Variants in DPYD observed in about 807,000 individuals in gnomAD.
DPYD encodes dihydropyrimidine dehydrogenase, also known as dihydropyrimidine dehydrogenase [NADP(+)].
DPYD carries 109 observed loss-of-function variants against 116.2 expected under a neutral mutation model. That is an observed-to-expected ratio of 0.94 (90% CI 0.80 to 1.10). DPYD has a LOEUF of 1.10. Ranked by LOEUF, DPYD falls within the 50% of genes least tolerant of loss-of-function variation. DPYD has a pLI of 0.00. For synonymous variants in DPYD, 440 were observed against 432.0 expected, an observed-to-expected ratio of 1.02 and a Z score of -0.23; for missense variants, 1,302 against 1,254.5, an observed-to-expected ratio of 1.04 and a Z score of -0.57.
chr1:97,215,887 C>T (rs902764964), intron 19 of DPYD, among the ~76,000 whole-genome samples: 1 of 152,150 alleles, frequency 6.6e-6, no homozygotes, highest in Non-Finnish European at 1.5e-5. Flanking sequence ...TGACTACAGA[C>T]TCTCTTTCAA....
chr1:97,679,127 T>C lies in DPYD; in HGVS notation c.818A>G (p.Glu273Gly), dbSNP rs1231354593. The change falls in exon 8 of 23, where the codon GAA becomes GGA. Residue 273 changes from glutamate to glycine, a missense_variant. Glu to Gly is a moderately conservative substitution (Grantham distance 98). Coordinates refer to ENST00000370192, the MANE Select transcript of DPYD (RefSeq NM_000110.4). ...VNEMTLSTLK[E>G]KGYKAAFIGI... ...AATGAAAGCAGCTTTGTAGCCTTTT[T>C]CTTTCAAAGTGCTAAGAGTCATTTC... is the stretch of plus-strand genomic sequence containing the variant. 6.3e-7 allele frequency: 1 copy of C among 1,586,672 alleles called. No homozygotes were observed. Among genetic ancestry groups the C allele is most frequent in the South Asian group, 1.2e-5 (1 of 86,516 alleles).
intron 8 of DPYD, among the ~76,000 whole-genome samples, chr1:97,652,082 C>A (rs1393449650): frequency 6.6e-6 from 1 of 151,796 alleles, no homozygotes; most frequent in African/African-American, 2.4e-5. Flanking sequence ...TACAAGAAAT[C>A]AAGATGATCT....
chr1:97,761,585 AT>A (rs1445637382), intron 3 of DPYD, among the ~76,000 whole-genome samples: 30 of 152,264 alleles, frequency 2.0e-4, no homozygotes, highest in Admixed American at 1.9e-3. Context: ...GGGAGTGTAA[AT>A]TGTTCCAATC....
chr1:97,128,510 C>G (rs1653024287), intron 20 of DPYD, among the ~76,000 whole-genome samples: 1 of 152,126 alleles, frequency 6.6e-6, no homozygotes, highest in South Asian at 2.1e-4. Context: ...TTTAGTATAC[C>G]CTTATAATAC....
chr1:97,259,924 T>C (rs1663768821), intron 18 of DPYD, among the ~76,000 whole-genome samples: 1 of 152,138 alleles, frequency 6.6e-6, no homozygotes, highest in Admixed American at 6.6e-5. Context: ...CCACTGTCAT[T>C]CTTGGCAGAT....
At chr1:97,360,556 A>G (rs1670667765) in intron 16 of DPYD, among the ~76,000 whole-genome samples, 1 of 152,222 alleles carries the variant, frequency 6.6e-6, no homozygotes, top group East Asian at 1.9e-4. Flanking sequence ...AGTTGGAAGT[A>G]AAGCACTCCT....
chr1:97,158,227 C>G (rs974654498), intron 20 of DPYD, among the ~76,000 whole-genome samples: 1 of 151,952 alleles, frequency 6.6e-6, no homozygotes, highest in Non-Finnish European at 1.5e-5. Flanking sequence ...TGCTCACAAC[C>G]AGTGAATTCA....
At chr1:97,399,491 A>T (rs1235440823) in intron 14 of DPYD, among the ~76,000 whole-genome samples, 4 of 152,112 alleles carry the variant, frequency 2.6e-5, no homozygotes, top group Non-Finnish European at 5.9e-5. Flanking sequence ...GAAGAAAGTC[A>T]TTGGTAGCTT....
chr1:97,690,913 C>G (rs908740011), intron 7 of DPYD, among the ~76,000 whole-genome samples: 1 of 151,950 alleles, frequency 6.6e-6, no homozygotes, highest in East Asian at 1.9e-4. Context: ...TTTATTGATT[C>G]ATTTTAAGTT....
At chr1:97,748,029 T>C (rs1222897273) in intron 3 of DPYD, among the ~76,000 whole-genome samples, 1 of 152,210 alleles carries the variant, frequency 6.6e-6, no homozygotes, top group African/African-American at 2.4e-5. Flanking sequence ...TCTTCTTTAA[T>C]GTGGAAGGAA....
intron 16 of DPYD, among the ~76,000 whole-genome samples, chr1:97,353,067 T>C (rs1166702600): frequency 1.3e-5 from 2 of 148,800 alleles, no homozygotes; most frequent in African/African-American, 2.5e-5. Flanking sequence ...AAACAATAGA[T>C]AGGAAAAAAA....
intron 3 of DPYD, among the ~76,000 whole-genome samples, chr1:97,757,355 G>A (rs145162052): frequency 2.1e-3 from 318 of 152,224 alleles, no homozygotes; most frequent in Non-Finnish European, 3.1e-3. Context: ...AGGCAGAAGA[G>A]ATGTGCAAAT....
intron 12 of DPYD, among the ~76,000 whole-genome samples, chr1:97,526,015 GTT>G (rs56793185): frequency 1.4e-5 from 2 of 142,226 alleles, no homozygotes; most frequent in African/African-American, 5.1e-5. Context: ...GTGTGTGTGT[GTT>G]TCTATAATTC....
chr1:97,900,758 GA>G (rs1175613102), intron 1 of DPYD, among the ~76,000 whole-genome samples: 1 of 151,498 alleles, frequency 6.6e-6, no homozygotes, highest in Non-Finnish European at 1.5e-5. Flanking sequence ...ACTGTTTTTT[GA>G]AAATCTCCCA....
chr1:97,303,343 G>C (rs989159835), intron 18 of DPYD, among the ~76,000 whole-genome samples: 2 of 151,948 alleles, frequency 1.3e-5, no homozygotes, highest in Non-Finnish European at 2.9e-5. Context: ...GCAGATATTA[G>C]CACTGTGCTA....
chr1:97,757,147 C>G (rs1398660475), intron 3 of DPYD, among the ~76,000 whole-genome samples: 1 of 152,122 alleles, frequency 6.6e-6, no homozygotes, highest in Non-Finnish European at 1.5e-5. Flanking sequence ...GGTCCAGGGT[C>G]AAGGGAAAAT....
At position 97,082,464 on chromosome 1, in the gene DPYD, T is replaced by C. The variant is rs774134971; in HGVS notation, c.2773A>G (p.Ile925Val). The change falls in exon 22 of 23, where the codon ATA (isoleucine) becomes GTA (valine). Residue 925 changes from isoleucine to valine, a missense_variant. Physicochemically the swap from Ile to Val is conservative, Grantham distance 29. Coordinates refer to ENST00000370192, the MANE Select transcript of DPYD (RefSeq NM_000110.4). ...KRPIPTIKDVIGKALQYLGTF... is the reference protein window; with the variant it reads ...KRPIPTIKDVVGKALQYLGTF... Reference sequence around the variant, plus strand: ...CCAAGGTACTGCAGTGCTTTTCCTATTACATCCTAAAAATAGCCACTGAAT... The same window carrying C: ...CCAAGGTACTGCAGTGCTTTTCCTACTACATCCTAAAAATAGCCACTGAAT... 1.2e-6 allele frequency: 2 copies of C among 1,613,272 alleles called. No individual in the cohort carries two copies. The highest frequency in any genetic ancestry group is 1.3e-5 in the African/African-American group (1 of 74,890).
intron 21 of DPYD, among the ~76,000 whole-genome samples, chr1:97,094,790 C>A (rs1304265061): frequency 6.6e-6 from 1 of 152,022 alleles, no homozygotes; most frequent in African/African-American, 2.4e-5. Context: ...GAAGATTATA[C>A]AGAGAGAAGG....
At chr1:97,239,434 A>C (rs1473170768) in intron 18 of DPYD, among the ~76,000 whole-genome samples, 1 of 152,046 alleles carries the variant, frequency 6.6e-6, no homozygotes, top group Non-Finnish European at 1.5e-5. Flanking sequence ...TTATCCATTC[A>C]TCTGTCTATC....
Sources: allele counts gnomAD v4.1 joint callset (sites outside exome capture counted in the v4.1 genomes callset), GRCh38; gene constraint gnomAD v4.1.1; transcripts MANE v1.5; gene names NCBI Gene and HGNC (gene_info 2026-07-23, HGNC 2026-07-21).